The following SYNE2 variants were observed in gnomAD, a reference collection of about 807,000 sequenced individuals.
SYNE2 encodes spectrin repeat containing nuclear envelope protein 2.
SYNE2 carries 431 observed loss-of-function variants against 856.3 expected under a neutral mutation model. That is an observed-to-expected ratio of 0.50 (90% CI 0.47 to 0.55). The LOEUF (loss-of-function observed/expected upper bound fraction) is 0.55. SYNE2 is among the 20% of genes least tolerant of loss of function. The pLI is 0.00. For synonymous variants in SYNE2, 2,923 were observed against 2,872.3 expected, an observed-to-expected ratio of 1.02 and a Z score of -0.56; for missense variants, 8,129 against 8,023.2, an observed-to-expected ratio of 1.01 and a Z score of -0.50.
At chr14:63,942,249 T>G in intron 6 of SYNE2, 106 bp downstream of exon 6, 1 of 744,380 alleles carries the variant, frequency 1.3e-6, no homozygotes, top group Non-Finnish European at 2.3e-6. Flanking sequence ...GCTTCTCCTA[T>G]AAATAGGACC....
intron 99 of SYNE2, among the ~76,000 whole-genome samples, chr14:64,192,444 A>G (rs2139685089): frequency 6.6e-6 from 1 of 152,254 alleles, no homozygotes; most frequent in East Asian, 1.9e-4. Flanking sequence ...GGAGTTTAAC[A>G]GGCTATTTGC....
chr14:63,913,532 G>A (rs1180112344), intron 2 of SYNE2, among the ~76,000 whole-genome samples: 1 of 148,142 alleles, frequency 6.8e-6, no homozygotes, highest in Non-Finnish European at 1.5e-5. Context: ...GTGTGACCTC[G>A]GTTCACTGCA....
chr14:63,929,026 C>A (rs777204159), intron 2 of SYNE2, among the ~76,000 whole-genome samples: 1 of 152,060 alleles, frequency 6.6e-6, no homozygotes, highest in Non-Finnish European at 1.5e-5. Flanking sequence ...ATCTTTTGTT[C>A]TAATATTTGA....
At chr14:63,804,748 C>A (rs1327598523) in intron 1 of SYNE2, among the ~76,000 whole-genome samples, 4 of 152,182 alleles carry the variant, frequency 2.6e-5, no homozygotes, top group African/African-American at 7.2e-5. Flanking sequence ...CCCGCCTTGG[C>A]CTCCCAAAGT....
At chr14:64,105,870 G>C (rs536954899) in intron 64 of SYNE2, among the ~76,000 whole-genome samples, 1 of 151,734 alleles carries the variant, frequency 6.6e-6, no homozygotes, top group South Asian at 2.1e-4. Context: ...GACCAGCCTG[G>C]GCAACATAGT....
At chr14:63,988,203 A>G (rs913594756) in intron 19 of SYNE2, among the ~76,000 whole-genome samples, 3 of 152,152 alleles carry the variant, frequency 2.0e-5, no homozygotes, top group Non-Finnish European at 4.4e-5. Flanking sequence ...TCAGCCTCCC[A>G]AGTAGCTGGG....
Position 64,024,303 on chromosome 14 carries a change from ACAGCGTACTGAAG to A in SYNE2, c.5687_5699del (p.Ser1896MetfsTer2). On this transcript the variant is annotated frameshift_variant, in exon 39 of 116. Transcript: ENST00000555002. LOFTEE classifies it high-confidence loss of function. ...AGAAACAGTAAAATAAAGCAGGTGG[ACAGCGTACTGAAG>A]CATGTGAAGAAGCATCTGCCCAAAG... The A allele has an allele frequency of 6.2e-7, 1 of 1,614,148 alleles. No homozygotes were observed.
At chr14:64,100,961 T>C (rs1253273469) in intron 63 of SYNE2, among the ~76,000 whole-genome samples, 1 of 152,064 alleles carries the variant, frequency 6.6e-6, no homozygotes, top group Non-Finnish European at 1.5e-5. Context: ...AATTTACCCA[T>C]GTTGTTGCAA....
chr14:63,842,464 T>C (rs1223147861), intron 1 of SYNE2, among the ~76,000 whole-genome samples: 4 of 144,278 alleles, frequency 2.8e-5, no homozygotes, highest in Non-Finnish European at 6.1e-5. Context: ...CTTTTTCTCC[T>C]TTTTTTTTTT....
chr14:64,063,984 CAG>C (rs1345688190), intron 50 of SYNE2, among the ~76,000 whole-genome samples: 1 of 152,102 alleles, frequency 6.6e-6, no homozygotes, highest in African/African-American at 2.4e-5. Context: ...ACAACAATAA[CAG>C]AGAAATTATA....
At chr14:63,942,015 A>G in intron 5 of SYNE2, 36 bp from the exon 6 acceptor site, 1 of 1,597,916 alleles carries the variant, frequency 6.3e-7, no homozygotes. Flanking sequence ...GCTCTGGGAT[A>G]TTTCCTCCTT....
chr14:64,215,559 A>G (rs2098662500), intron 107 of SYNE2: 2 of 637,028 alleles, frequency 3.1e-6, no homozygotes, highest in Non-Finnish European at 5.6e-6. Context: ...AGCCGTCTCG[A>G]TGCCAACCCC....
At chr14:63,982,223 GT>G (rs1347698913) in intron 16 of SYNE2, among the ~76,000 whole-genome samples, 1 of 152,140 alleles carries the variant, frequency 6.6e-6, no homozygotes, top group African/African-American at 2.4e-5. Context: ...TAATGAGACA[GT>G]TAAGGCTCCA....
intron 2 of SYNE2, among the ~76,000 whole-genome samples, chr14:63,932,876 CGTCGTTGGCGAATT>C (rs2095782307): frequency 6.6e-6 from 1 of 152,108 alleles, no homozygotes; most frequent in Non-Finnish European, 1.5e-5. Context: ...AAGGGTGAAA[CGTCGTTGGCGAATT>C]GTAGCTATCC....
At chr14:64,094,613 A>T (rs1453962631) in intron 61 of SYNE2, among the ~76,000 whole-genome samples, 1 of 152,208 alleles carries the variant, frequency 6.6e-6, no homozygotes, top group African/African-American at 2.4e-5. Flanking sequence ...GGGGCAAGTG[A>T]TTTGACATCT....
intron 98 of SYNE2, chr14:64,189,086 C>A: frequency 3.0e-6 from 2 of 663,370 alleles, no homozygotes; most frequent in Non-Finnish European, 5.4e-6. Flanking sequence ...GTAATCCTAG[C>A]ACTTTGGGAG....
At chr14:64,132,227 A>C (rs747949824) in intron 76 of SYNE2, 38 bp from the exon 77 acceptor site, 1 of 1,609,050 alleles carries the variant, frequency 6.2e-7, no homozygotes, top group Non-Finnish European at 8.5e-7. Flanking sequence ...AGTTTTCACA[A>C]TTTCAAAGTA....
intron 76 of SYNE2, among the ~76,000 whole-genome samples, 169 bp from the exon 77 acceptor site, chr14:64,132,096 G>A (rs570244307): frequency 6.6e-6 from 1 of 152,266 alleles, no homozygotes; most frequent in South Asian, 2.1e-4. Flanking sequence ...ACCATGCCTA[G>A]CTAATTTTTG....
chr14:64,182,349 CAATTT>C (rs1332199797), intron 96 of SYNE2, among the ~76,000 whole-genome samples: 1 of 138,522 alleles, frequency 7.2e-6, no homozygotes, highest in Non-Finnish European at 1.6e-5. Context: ...AAGTCTGGGG[CAATTT>C]AATTTATTTA....
Sources: gnomAD v4.1 joint callset for allele counts (sites outside exome capture counted in the v4.1 genomes callset) on GRCh38, gnomAD v4.1.1 for gene constraint, MANE v1.5 for transcripts, NCBI Gene and HGNC (gene_info 2026-07-23, HGNC 2026-07-21) for gene names.